The following NRXN3 variants were observed in gnomAD, a reference collection of about 807,000 sequenced individuals.
NRXN3 encodes neurexin III.
Under a neutral mutation model 137.6 loss-of-function variants are expected in NRXN3, and 32 were observed. The ratio of observed to expected loss-of-function variants is 0.23; its 90% CI spans 0.18 to 0.31. The LOEUF (loss-of-function observed/expected upper bound fraction) is 0.31. Among genes scored for constraint, NRXN3 ranks in the 10% least tolerant of loss-of-function variants. NRXN3 has a pLI of 1.00. For synonymous variants in NRXN3, 798 were observed against 784.5 expected, an observed-to-expected ratio of 1.02 and a Z score of -0.29; for missense variants, 1,574 against 2,062.5, an observed-to-expected ratio of 0.76 and a Z score of 4.59.
At chr14:78,625,611 G>C (rs2097450352) in intron 4 of NRXN3, among the ~76,000 whole-genome samples, 1 of 152,200 alleles carries the variant, frequency 6.6e-6, no homozygotes. Context: ...CTAGGCATAG[G>C]AGCTGAAAGG....
At chr14:79,470,352 A>G (rs2096483957) in intron 16 of NRXN3, among the ~76,000 whole-genome samples, 1 of 152,170 alleles carries the variant, frequency 6.6e-6, no homozygotes, top group Non-Finnish European at 1.5e-5. Flanking sequence ...AGATCAAGGT[A>G]CTGGCAGGTC....
chr14:78,355,867 T>A, intron 4 of NRXN3, among the ~76,000 whole-genome samples: 1 of 152,288 alleles, frequency 6.6e-6, no homozygotes, highest in Middle Eastern at 3.4e-3. Flanking sequence ...ATAACCGTAA[T>A]AGGAAAAGGG....
intron 10 of NRXN3, among the ~76,000 whole-genome samples, chr14:78,937,345 T>G (rs1302625157): frequency 6.6e-6 from 1 of 152,188 alleles, no homozygotes; most frequent in Non-Finnish European, 1.5e-5. Context: ...ATACCCCACC[T>G]TTGCTGTAGT....
At chr14:78,546,128 G>T (rs2152135477) in intron 4 of NRXN3, among the ~76,000 whole-genome samples, 1 of 152,266 alleles carries the variant, frequency 6.6e-6, no homozygotes, top group Non-Finnish European at 1.5e-5. Flanking sequence ...TTTTAAATAT[G>T]AACAAATACT....
In NRXN3 at chr14:79,100,837, C is replaced by T. The variant is rs145615026; in HGVS notation, c.3262+112696C>T. Among the ~76,000 whole-genome samples the T allele has an allele frequency of 2.8e-3, 429 of 152,242 alleles. 2 individuals are homozygous for T. The highest frequency in any genetic ancestry group is 9.4e-3 in the African/African-American group (391 of 41,546). On this transcript the variant is annotated intron_variant, in intron 15 of 20. Transcript: ENST00000335750. Reference sequence around the variant, plus strand: ...GTTGCTGTATTAAGTCATGTGTTTCCGGTACTTCTGGGCTCATTAACCCAC... The same window carrying T: ...GTTGCTGTATTAAGTCATGTGTTTCTGGTACTTCTGGGCTCATTAACCCAC...
intron 16 of NRXN3, among the ~76,000 whole-genome samples, chr14:79,609,935 C>T (rs2098078185): frequency 6.6e-6 from 1 of 151,556 alleles, no homozygotes; most frequent in Non-Finnish European, 1.5e-5. Flanking sequence ...ACATCACACA[C>T]TGGGGCCTGT....
intron 4 of NRXN3, among the ~76,000 whole-genome samples, chr14:78,530,047 CAT>C: frequency 6.6e-6 from 1 of 152,292 alleles, no homozygotes; most frequent in Middle Eastern, 3.4e-3. Flanking sequence ...CTAAAATTCA[CAT>C]AGGAATTTTC....
chr14:79,860,102 T>G (rs2099411184), intron 20 of NRXN3, among the ~76,000 whole-genome samples: 1 of 152,198 alleles, frequency 6.6e-6, no homozygotes, highest in African/African-American at 2.4e-5. Context: ...TAATGAACTA[T>G]TCTGAGCTTT....
chr14:78,615,102 C>A (rs2097334772), intron 4 of NRXN3: 1 of 456,496 alleles, frequency 2.2e-6, no homozygotes, highest in African/African-American at 2.0e-5. Flanking sequence ...GGTTTTGAAA[C>A]AACTGGAAGT....
chr14:78,702,046 G>A (rs1374373661), intron 6 of NRXN3, among the ~76,000 whole-genome samples: 4 of 152,136 alleles, frequency 2.6e-5, no homozygotes, highest in Admixed American at 2.6e-4. Context: ...ATGTGACTCT[G>A]GTCATGCCAG....
At chr14:79,210,748 T>C (rs1052563127) in intron 15 of NRXN3, among the ~76,000 whole-genome samples, 2 of 152,196 alleles carry the variant, frequency 1.3e-5, no homozygotes, top group African/African-American at 4.8e-5. Flanking sequence ...AAAGTTACTT[T>C]GTCACTTTCT....
At chr14:79,233,110 A>G (rs1269537683) in intron 15 of NRXN3, among the ~76,000 whole-genome samples, 1 of 152,166 alleles carries the variant, frequency 6.6e-6, no homozygotes, top group Non-Finnish European at 1.5e-5. Flanking sequence ...ATTCTGTTAC[A>G]TTTCTCTGAA....
chr14:78,448,530 T>A (rs1291485407), intron 4 of NRXN3, among the ~76,000 whole-genome samples: 1 of 152,238 alleles, frequency 6.6e-6, no homozygotes, highest in East Asian at 1.9e-4. Flanking sequence ...TTTCCTAGGC[T>A]AGTCCTGGTC....
intron 4 of NRXN3, among the ~76,000 whole-genome samples, chr14:78,552,611 A>G (rs2096703631): frequency 6.6e-6 from 1 of 152,202 alleles, no homozygotes; most frequent in African/African-American, 2.4e-5. Flanking sequence ...GGCTGCAGTG[A>G]CCTGTGATCA....
chr14:78,480,118 A>G (rs12894903), intron 4 of NRXN3, among the ~76,000 whole-genome samples: 137,234 of 152,270 alleles, frequency 0.9, 62,183 homozygotes, highest in South Asian at 0.96. Context: ...TCCAGCCTGG[A>G]TGATAGAGTG....
At chr14:78,572,290 A>C (rs1381956485) in intron 4 of NRXN3, among the ~76,000 whole-genome samples, 1 of 151,608 alleles carries the variant, frequency 6.6e-6, no homozygotes, top group Non-Finnish European at 1.5e-5. Flanking sequence ...CCTTGCTCTC[A>C]CTCTCATTCT....
intron 16 of NRXN3, among the ~76,000 whole-genome samples, chr14:79,661,088 A>G (rs1213389379): frequency 1.3e-5 from 2 of 152,168 alleles, no homozygotes; most frequent in African/African-American, 2.4e-5. Flanking sequence ...AGCTATGGGC[A>G]TGAAAAGTAC....
In NRXN3 at chr14:78,341,753, G is replaced by A. The variant is rs372106706; in HGVS notation, c.757+43893G>A. ...GCCAAACACAGATTTCTCTCTGCTCGTAATTATTCAGATCTTCAACTAATA... is the reference window on the plus strand; with the variant it reads ...GCCAAACACAGATTTCTCTCTGCTCATAATTATTCAGATCTTCAACTAATA... On this transcript the variant is annotated intron_variant, in intron 4 of 20. Coordinates refer to ENST00000335750, the MANE Select transcript of NRXN3 (RefSeq NM_001330195.2). Among the ~76,000 whole-genome samples the A allele has an allele frequency of 4.9e-4, 75 of 152,284 alleles. No individual in the cohort carries two copies. The South Asian group carries it at 0.012, about 24-fold the overall frequency.
rs1039383760 is a variant in NRXN3, at chr14:79,447,741, A to G, written c.3263-19480A>G. Among the ~76,000 whole-genome samples, 3 of 152,226 alleles carry G rather than the reference A, an allele frequency of 2.0e-5. No homozygotes were observed. The East Asian group carries it at 5.8e-4, about 29-fold the overall frequency. On this transcript the variant is annotated intron_variant, in intron 15 of 20. Coordinates refer to ENST00000335750, the MANE Select transcript of NRXN3 (RefSeq NM_001330195.2). ...CCTTTTGAGCTCTGGTCTTGAGTCCAGTAATTTTTACGTATCAGTCCTTGT... is the reference window on the plus strand; with the variant it reads ...CCTTTTGAGCTCTGGTCTTGAGTCCGGTAATTTTTACGTATCAGTCCTTGT...
Sources: gnomAD v4.1 joint callset for allele counts (sites outside exome capture counted in the v4.1 genomes callset) on GRCh38, gnomAD v4.1.1 for gene constraint, MANE v1.5 for transcripts, NCBI Gene and HGNC (gene_info 2026-07-23, HGNC 2026-07-21) for gene names.